The following CTNNBL1 variants were observed in gnomAD, a reference collection of about 807,000 sequenced individuals.
CTNNBL1 encodes beta-catenin-like protein 1.
Under a neutral mutation model 72.7 loss-of-function variants are expected in CTNNBL1, and 31 were observed. The ratio of observed to expected loss-of-function variants is 0.43; its 90% CI spans 0.32 to 0.58. The LOEUF is 0.58. CTNNBL1 is among the 20% of genes least tolerant of loss of function. The pLI, the probability that CTNNBL1 is intolerant of heterozygous loss-of-function variation, is 0.08. For missense variants in CTNNBL1, 534 were observed against 725.1 expected, an observed-to-expected ratio of 0.74 and a Z score of 3.03; for synonymous variants, 240 against 267.3, an observed-to-expected ratio of 0.90 and a Z score of 1.00.
chr20:37,769,570 C>T (rs1474329442), intron 7 of CTNNBL1, among the ~76,000 whole-genome samples: 2 of 151,968 alleles, frequency 1.3e-5, no homozygotes. Flanking sequence ...TAGCATAGTC[C>T]TTGTGATTGT....
rs1392909577 is a variant in CTNNBL1, at chr20:37,777,642, T to G, written c.824-12T>G. 6.2e-7 allele frequency: 1 copy of G among 1,613,188 alleles called. No individual in the cohort carries two copies. Among genetic ancestry groups the G allele is most frequent in the South Asian group, 1.1e-5 (1 of 91,044 alleles). ...TTCATTTTTTTTCTTCCTCTATTTT[T>G]TTCCCCTTTAGAAAACAGGGAATTG... On this transcript the variant is annotated splice_polypyrimidine_tract_variant and intron_variant, in intron 8 of 15. Transcript: ENST00000361383.
intron 11 of CTNNBL1, among the ~76,000 whole-genome samples, chr20:37,824,798 A>C (rs2072143383): frequency 6.6e-6 from 1 of 152,160 alleles, no homozygotes; most frequent in African/African-American, 2.4e-5. Context: ...TTCTATTTTC[A>C]AGATTGCCTC....
Position 37,738,861 on chromosome 20 carries a change from G to A in CTNNBL1, c.326+1377G>A, listed in dbSNP as rs146336579. Reference sequence around the variant, plus strand: ...TGAACAAAGGCACAGAGGTGTCAGCGGGCACAGAGTCTTCATGGCAACCTA... The same window carrying A: ...TGAACAAAGGCACAGAGGTGTCAGCAGGCACAGAGTCTTCATGGCAACCTA... On this transcript the variant is annotated intron_variant, in intron 3 of 15. Coordinates refer to ENST00000361383, the MANE Select transcript of CTNNBL1 (RefSeq NM_030877.5). 4.0e-3 allele frequency among the ~76,000 whole-genome samples: 611 copies of A among 152,274 alleles called. 7 individuals carry two copies. Among genetic ancestry groups the A allele is most frequent in the African/African-American group, 0.013 (539 of 41,542 alleles).
chr20:37,782,594 G>T (rs1035879001), intron 10 of CTNNBL1, among the ~76,000 whole-genome samples: 7 of 152,002 alleles, frequency 4.6e-5, no homozygotes, highest in African/African-American at 1.7e-4. Context: ...ACATTTAAAG[G>T]GTTAAAAGAA....
chr20:37,736,309 A>G (rs1341132064), intron 2 of CTNNBL1, among the ~76,000 whole-genome samples: 1 of 152,180 alleles, frequency 6.6e-6, no homozygotes, highest in African/African-American at 2.4e-5. Context: ...AGTAGGTTGG[A>G]TTTGGCTCAT....
chr20:37,778,469 T>C (rs1441908508), intron 9 of CTNNBL1, among the ~76,000 whole-genome samples: 1 of 152,204 alleles, frequency 6.6e-6, no homozygotes, highest in East Asian at 1.9e-4. Flanking sequence ...CTGTTTCCAG[T>C]TCTGGGAAGG....
intron 13 of CTNNBL1, among the ~76,000 whole-genome samples, chr20:37,851,855 A>G (rs1391851471): frequency 1.3e-5 from 2 of 152,232 alleles, no homozygotes; most frequent in African/African-American, 4.8e-5. Flanking sequence ...ATCTCTTGCC[A>G]GTGTGAAAGA....
chr20:37,776,782 T>G (rs1182789342), intron 7 of CTNNBL1, among the ~76,000 whole-genome samples: 2 of 152,186 alleles, frequency 1.3e-5, no homozygotes, highest in Non-Finnish European at 2.9e-5. Context: ...GCATATTTAA[T>G]GTGGTTTCTG....
intron 1 of CTNNBL1, among the ~76,000 whole-genome samples, chr20:37,715,425 G>A (rs535526527): frequency 1.3e-5 from 2 of 152,182 alleles, no homozygotes; most frequent in African/African-American, 4.8e-5. Context: ...CATAGTTAAT[G>A]GTAACTGTTG....
intron 10 of CTNNBL1, 125 bp downstream of exon 10, chr20:37,779,460 TAA>T (rs2073606800): frequency 9.1e-7 from 1 of 1,103,808 alleles, no homozygotes; most frequent in South Asian, 1.5e-5. Flanking sequence ...CCCTGAAGAG[TAA>T]AGTCTTCAGG....
intron 13 of CTNNBL1, 41 bp downstream of exon 13, chr20:37,842,460 C>T (rs1370866767): frequency 1.4e-6 from 2 of 1,436,962 alleles, no homozygotes; most frequent in Non-Finnish European, 2.0e-6. Context: ...ATTGACTTGC[C>T]CTCCGTTTGG....
At chr20:37,716,676 G>A (rs2072989057) in intron 1 of CTNNBL1, among the ~76,000 whole-genome samples, 1 of 152,088 alleles carries the variant, frequency 6.6e-6, no homozygotes. Context: ...ATGTTTTGAG[G>A]CCATAACACC....
intron 12 of CTNNBL1, among the ~76,000 whole-genome samples, chr20:37,840,637 G>A (rs529152330): frequency 6.6e-6 from 1 of 152,376 alleles, no homozygotes; most frequent in East Asian, 1.9e-4. Flanking sequence ...TGAAGGGTCA[G>A]TGGGAGGTGA....
chr20:37,717,796 AGTG>A (rs1325835391), intron 1 of CTNNBL1, among the ~76,000 whole-genome samples: 3 of 151,938 alleles, frequency 2.0e-5, no homozygotes, highest in Non-Finnish European at 4.4e-5. Flanking sequence ...GAGATTAGGG[AGTG>A]GTGATGACTC....
intron 13 of CTNNBL1, among the ~76,000 whole-genome samples, chr20:37,843,139 G>A (rs1218174915): frequency 6.6e-6 from 1 of 152,140 alleles, no homozygotes; most frequent in Non-Finnish European, 1.5e-5. Context: ...TCCTATCACT[G>A]TTTAATGTCC....
chr20:37,715,064 TG>T (rs1219710820), intron 1 of CTNNBL1, among the ~76,000 whole-genome samples: 5 of 152,212 alleles, frequency 3.3e-5, no homozygotes, highest in African/African-American at 1.2e-4. Flanking sequence ...AGGACAAACA[TG>T]GGTTTCTAAA....
At chr20:37,782,072 T>G (rs1336773795) in intron 10 of CTNNBL1, among the ~76,000 whole-genome samples, 4 of 152,132 alleles carry the variant, frequency 2.6e-5, no homozygotes, top group African/African-American at 9.7e-5. Context: ...TTAAACTATA[T>G]AAAGTATCTA....
intron 11 of CTNNBL1, among the ~76,000 whole-genome samples, chr20:37,838,847 G>A (rs1030079884): frequency 4.9e-4 from 74 of 152,256 alleles, no homozygotes; most frequent in African/African-American, 1.7e-3. Flanking sequence ...TGATCGTGCC[G>A]CTGCACTCCA....
intron 11 of CTNNBL1, among the ~76,000 whole-genome samples, chr20:37,830,511 T>C (rs995997233): frequency 6.6e-6 from 1 of 152,148 alleles, no homozygotes; most frequent in Non-Finnish European, 1.5e-5. Flanking sequence ...GCACCTCTCT[T>C]GGTACAGAAG....
Sources: gnomAD v4.1 joint callset for allele counts (sites outside exome capture counted in the v4.1 genomes callset) on GRCh38, gnomAD v4.1.1 for gene constraint, MANE v1.5 for transcripts, NCBI Gene and HGNC (gene_info 2026-07-23, HGNC 2026-07-21) for gene names.